The following PTPRB variants were observed in gnomAD, a reference collection of about 807,000 sequenced individuals.
PTPRB encodes receptor-type tyrosine-protein phosphatase beta.
Under a neutral mutation model 238.1 loss-of-function variants are expected in PTPRB, and 97 were observed. That is an observed-to-expected ratio of 0.41 (90% CI 0.35 to 0.48). PTPRB has a LOEUF of 0.48. Among genes scored for constraint, PTPRB ranks in the 20% least tolerant of loss-of-function variants. PTPRB has a pLI of 0.30. For synonymous variants in PTPRB, 970 were observed against 995.4 expected (o/e 0.97, Z 0.48); for missense variants, 2,292 against 2,681.9 (o/e 0.85, Z 3.21).
chr12:70,620,547 C>T (rs557209115), intron 3 of PTPRB, among the ~76,000 whole-genome samples: 16 of 152,030 alleles, frequency 1.1e-4, no homozygotes, highest in Non-Finnish European at 1.9e-4. Flanking sequence ...TATATTTAAG[C>T]TATGATATAA....
At chr12:70,540,333 C>T (rs1485433776) in intron 23 of PTPRB, 3 of 263,440 alleles carry the variant, frequency 1.1e-5, no homozygotes, top group Admixed American at 4.9e-5. Context: ...ATGCCAGACA[C>T]GACTTCAATA....
At chr12:70,625,708 T>C (rs1366971255) in intron 2 of PTPRB, among the ~76,000 whole-genome samples, 1 of 152,184 alleles carries the variant, frequency 6.6e-6, no homozygotes, top group East Asian at 1.9e-4. Flanking sequence ...GCAAGATGTT[T>C]TGACAAATGC....
rs1871458013 is a variant in PTPRB, at chr12:70,519,589, CAAGCAACA to C, written c.*1892_*1899del. The stretch of plus-strand genomic sequence containing the variant: ...TTCCAAGCATTAATGTGCTTTGCAT[CAAGCAACA>C]TTAGTGTAAAATTCTGCTTTTTCTC... On this transcript the variant is annotated 3_prime_UTR_variant, in exon 34 of 34. Transcript: ENST00000334414. 1 of 152,206 alleles carries C rather than the reference CAAGCAACA, an allele frequency of 6.6e-6. No individual in the cohort carries two copies. The highest frequency in any genetic ancestry group is 1.5e-5 in the Non-Finnish European group (1 of 68,054). The allele number at this position is 152,206 out of a possible 1,614,324, so 9.4% of individuals were successfully genotyped here.
At chr12:70,527,126 A>G (rs1221487817) in intron 32 of PTPRB, among the ~76,000 whole-genome samples, 1 of 152,160 alleles carries the variant, frequency 6.6e-6, no homozygotes, top group Non-Finnish European at 1.5e-5. Context: ...AATTTCATCA[A>G]TATTTGGAGT....
In PTPRB at chr12:70,545,830, G is replaced by C. The variant is rs188191591; in HGVS notation, c.5388-1167C>G. Among the ~76,000 whole-genome samples, 488 of 152,328 alleles carry C rather than the reference G, an allele frequency of 3.2e-3. 4 individuals are homozygous for C. The highest frequency in any genetic ancestry group is 0.011 in the African/African-American group (449 of 41,576). On this transcript the variant is annotated intron_variant, in intron 21 of 33. Coordinates refer to ENST00000334414, the MANE Select transcript of PTPRB (RefSeq NM_001109754.4). ...CTCATGTCACTCAAGAGAACAGTGG[G>C]ATCATTGATAGAAATAAGGAGACAG...
At chr12:70,590,919 G>T (rs1882427626) in intron 7 of PTPRB, among the ~76,000 whole-genome samples, 1 of 144,134 alleles carries the variant, frequency 6.9e-6, no homozygotes, top group Non-Finnish European at 1.5e-5. Flanking sequence ...CCTTATTAAA[G>T]ATCATTTCTA....
At position 70,569,659 on chromosome 12, in the gene PTPRB, C is replaced by A; in HGVS notation, c.3634+16G>T. 1 of 1,613,224 alleles carries A rather than the reference C, an allele frequency of 6.2e-7. No homozygotes were observed. Among genetic ancestry groups the A allele is most frequent in the South Asian group, 1.1e-5 (1 of 91,040 alleles). On this transcript the variant is annotated intron_variant, in intron 14 of 33. Transcript: ENST00000334414. The stretch of plus-strand genomic sequence containing the variant: ...AGGCATTCTACAATCTAGCCCTTCT[C>A]CAGGTGGATGCTTACCTGTCCGCCC...
chr12:70,594,551 G>A lies in PTPRB; in HGVS notation c.1432C>T (p.Leu478=). The A allele has an allele frequency of 6.2e-7, 1 of 1,614,000 alleles. No individual in the cohort carries two copies. Among genetic ancestry groups the A allele is most frequent in the Non-Finnish European group, 8.5e-7 (1 of 1,179,886 alleles). ...KHATSYAFHG[L]TPGYLYNLTV... is the part of the protein sequence containing the mutation. ...AGGTTGTAGAGGTAGCCAGGGGTCAGCCCGTGAAAAGCATAGGAAGTAGCA... is the reference window on the plus strand; with the variant it reads ...AGGTTGTAGAGGTAGCCAGGGGTCAACCCGTGAAAAGCATAGGAAGTAGCA... The change falls in exon 6 of 34, where the codon CTG becomes TTG. Residue 478 remains leucine (L), a synonymous_variant. Coordinates refer to ENST00000334414, the MANE Select transcript of PTPRB (RefSeq NM_001109754.4).
intron 27 of PTPRB, 179 bp from the exon 28 acceptor site, chr12:70,538,410 T>TA (rs1874517827): frequency 3.6e-6 from 2 of 558,424 alleles, no homozygotes; most frequent in Admixed American, 3.5e-5. Flanking sequence ...ATAGGTGGCC[T>TA]ATAACCAGTC....
chr12:70,605,190 T>C (rs1883843791), intron 4 of PTPRB, among the ~76,000 whole-genome samples: 1 of 152,206 alleles, frequency 6.6e-6, no homozygotes, highest in African/African-American at 2.4e-5. Context: ...AAATATTATT[T>C]CTACAGGTAA....
intron 5 of PTPRB, 66 bp downstream of exon 5, chr12:70,595,983 C>T: frequency 7.4e-7 from 1 of 1,355,744 alleles, no homozygotes; most frequent in Non-Finnish European, 9.8e-7. Flanking sequence ...ACTCCTATTC[C>T]TTGAATAAAG....
chr12:70,609,675 A>G, intron 3 of PTPRB: 1 of 1,401,162 alleles, frequency 7.1e-7, no homozygotes, highest in Non-Finnish European at 9.9e-7. Flanking sequence ...TCAAAGCACA[A>G]CCCGATAGAC....
intron 8 of PTPRB, among the ~76,000 whole-genome samples, chr12:70,589,763 A>G (rs2136455341): frequency 7.1e-6 from 1 of 141,654 alleles, no homozygotes; most frequent in African/African-American, 2.4e-5. Context: ...GAAATAATGG[A>G]GTTACTAGTG....
intron 4 of PTPRB, among the ~76,000 whole-genome samples, chr12:70,607,667 G>C (rs180854145): frequency 6.6e-6 from 1 of 151,248 alleles, no homozygotes; most frequent in African/African-American, 2.4e-5. Flanking sequence ...CTCCCAAGTA[G>C]CTGGGATTAC....
chr12:70,556,051 A>G lies in PTPRB; in HGVS notation c.4812T>C (p.Ser1604=), dbSNP rs115662588. ...GGGTGTCCATTTTCCGGCATTCAATACTATAACCATCAAAGTCAGAATCAG... is the reference window on the plus strand; with the variant it reads ...GGGTGTCCATTTTCCGGCATTCAATGCTATAACCATCAAAGTCAGAATCAG... ...IPPDSDFDGY[S]IECRKMDTQE... is the part of the protein sequence containing the mutation. Residue 1604 remains serine (S), a synonymous_variant, in exon 19 of 34, where the codon AGT becomes AGC. Transcript: ENST00000334414. 277 of 1,613,914 alleles carry G rather than the reference A, an allele frequency of 1.7e-4. No homozygotes were observed. In the African/African-American group the frequency reaches 3.3e-3, roughly 19 times the overall value.
intron 2 of PTPRB, among the ~76,000 whole-genome samples, chr12:70,623,057 T>C (rs1361647548): frequency 6.6e-6 from 1 of 152,158 alleles, no homozygotes; most frequent in Non-Finnish European, 1.5e-5. Flanking sequence ...GGTACTGTCA[T>C]AGCTTTTATC....
At chr12:70,595,275 A>G (rs894424202) in intron 5 of PTPRB, among the ~76,000 whole-genome samples, 3 of 152,120 alleles carry the variant, frequency 2.0e-5, no homozygotes, top group Non-Finnish European at 4.4e-5. Context: ...AGGGAGGGGA[A>G]CATCACACAC....
chr12:70,635,762 G>A lies in PTPRB; in HGVS notation c.360C>T (p.Val120=). 1 of 1,613,790 alleles carries A rather than the reference G, an allele frequency of 6.2e-7. No individual in the cohort carries two copies. The highest frequency in any genetic ancestry group is 2.2e-5 in the East Asian group (1 of 44,874). ...TATGGAGGTATTTCCTGGCCTTCTTGACCACTACTCTGGAGCCTTGTTTCT... is the reference window on the plus strand; with the variant it reads ...TATGGAGGTATTTCCTGGCCTTCTTAACCACTACTCTGGAGCCTTGTTTCT... ...FLQKQGSRVV[V]KKARKYLHSW... Residue 120 remains valine (V), a synonymous_variant, in exon 2 of 34, where the codon GTC becomes GTT. Coordinates refer to ENST00000334414, the MANE Select transcript of PTPRB (RefSeq NM_001109754.4).
intron 26 of PTPRB, 177 bp from the exon 27 acceptor site, chr12:70,539,191 TG>T: frequency 1.6e-6 from 1 of 615,320 alleles, no homozygotes; most frequent in Non-Finnish European, 2.8e-6. Flanking sequence ...AGGGAGGTGG[TG>T]GTCTCACTAT....
Sources: gnomAD v4.1 joint callset for allele counts (sites outside exome capture counted in the v4.1 genomes callset) on GRCh38, gnomAD v4.1.1 for gene constraint, MANE v1.5 for transcripts, NCBI Gene and HGNC (gene_info 2026-07-23, HGNC 2026-07-21) for gene names.